Variants in ASB3 observed in about 807,000 individuals in gnomAD.
The protein encoded by ASB3 is ankyrin repeat and SOCS box protein 3.
A neutral mutation model predicts 54.5 loss-of-function variants in ASB3; 41 were observed. The ratio of observed to expected loss-of-function variants is 0.75; its 90% confidence interval spans 0.59 to 0.98. The LOEUF (loss-of-function observed/expected upper bound fraction) is 0.98. Among genes scored for constraint, ASB3 ranks in the 50% least tolerant of loss-of-function variants. The probability of loss-of-function intolerance (pLI) is 0.00; values close to 1 mark genes in which losing one functional copy is unlikely to be tolerated. For synonymous variants in ASB3, 266 were observed against 221.2 expected (o/e 1.20, Z -1.80); for missense variants, 733 against 620.0 (o/e 1.18, Z -1.94).
intron 9 of ASB3, among the ~76,000 whole-genome samples, chr2:53,690,128 CG>C (rs1668831427): frequency 6.6e-6 from 1 of 151,628 alleles, no homozygotes. Context: ...CCCAGCTACT[CG>C]GGAGGCTGAG....
chr2:53,781,883 A>C (rs1253155673), intron 1 of ASB3, among the ~76,000 whole-genome samples: 1 of 152,228 alleles, frequency 6.6e-6, no homozygotes, highest in African/African-American at 2.4e-5. Context: ...TCCTACAGCC[A>C]TAATTTTCTT....
chr2:53,723,185 A>C (rs2103877262), intron 5 of ASB3, among the ~76,000 whole-genome samples: 1 of 152,332 alleles, frequency 6.6e-6, no homozygotes. Context: ...CTGAAAAAAA[A>C]TCATAGATGA....
rs545674948 is a variant in ASB3, at chr2:53,755,980, C to CG, written c.197-5040_197-5039insC. The stretch of plus-strand genomic sequence containing the variant: ...CCAACCTGGACAAAATAGTAAGACC[C>CG]CCCCCCCACCTCTACAAAATATAGA... On this transcript the variant is annotated intron_variant, in intron 2 of 9. Transcript: ENST00000263634. Among the ~76,000 whole-genome samples the CG allele has an allele frequency of 9.9e-5, 15 of 150,812 alleles. No individual in the cohort carries two copies. The South Asian group carries it at 2.9e-3, about 30-fold the overall frequency.
At chr2:53,735,266 T>A (rs547871235) in intron 3 of ASB3, among the ~76,000 whole-genome samples, 9 of 152,272 alleles carry the variant, frequency 5.9e-5, no homozygotes, top group African/African-American at 2.2e-4. Context: ...GAAACGTTAC[T>A]GAGCAAATTC....
chr2:53,750,336 T>A (rs1672449408), intron 3 of ASB3, among the ~76,000 whole-genome samples: 1 of 152,122 alleles, frequency 6.6e-6, no homozygotes, highest in Non-Finnish European at 1.5e-5. Flanking sequence ...AGGTCTGAAT[T>A]AAAAAACAGA....
At chr2:53,764,626 G>A (rs1242640258) in intron 2 of ASB3, among the ~76,000 whole-genome samples, 1 of 152,176 alleles carries the variant, frequency 6.6e-6, no homozygotes, top group African/African-American at 2.4e-5. Flanking sequence ...TAGTGTGCTG[G>A]TTAACATTTA....
At chr2:53,756,932 A>C (rs62137611) in intron 2 of ASB3, 13,490 of 154,496 alleles carry the variant, frequency 0.087, 672 homozygotes, top group East Asian at 0.16. Flanking sequence ...GGTTCATCCT[A>C]ATCGAGCTGA....
chr2:53,727,131 C>A (rs141544046), intron 5 of ASB3, among the ~76,000 whole-genome samples: 1 of 152,166 alleles, frequency 6.6e-6, no homozygotes, highest in Admixed American at 6.5e-5. Flanking sequence ...TTTGACAAGG[C>A]ACTTAAACAT....
rs375497297 is a variant in ASB3 at position 53,705,767 on chromosome 2, T to C, written c.981-5239A>G. Among the ~76,000 whole-genome samples the C allele has an allele frequency of 1.8e-4, 27 of 152,354 alleles. No individual in the cohort carries two copies. In the East Asian group the frequency reaches 2.9e-3, roughly 16 times the overall value. Reference sequence around the variant, plus strand: ...GCTCTTGTTTTTTTCTTCCATCTTTTTTCTCTTTTGTACTTCTGTGTGGAT... The same window carrying C: ...GCTCTTGTTTTTTTCTTCCATCTTTCTTCTCTTTTGTACTTCTGTGTGGAT... On this transcript the variant is annotated intron_variant, in intron 7 of 9. Coordinates refer to ENST00000263634, the MANE Select transcript of ASB3 (RefSeq NM_016115.5).
intron 7 of ASB3, among the ~76,000 whole-genome samples, chr2:53,705,423 C>T (rs1399157107): frequency 6.6e-6 from 1 of 152,310 alleles, no homozygotes; most frequent in African/African-American, 2.4e-5. Flanking sequence ...TTTGTTAACT[C>T]ATGTCTGTGA....
chr2:53,710,997 G>A (rs916256758), intron 7 of ASB3, among the ~76,000 whole-genome samples: 5 of 151,988 alleles, frequency 3.3e-5, no homozygotes, highest in Non-Finnish European at 7.4e-5. Context: ...AGGCATGGTG[G>A]CGCACAACCG....
chr2:53,708,902 C>T (rs1669939368), intron 7 of ASB3, among the ~76,000 whole-genome samples: 1 of 152,042 alleles, frequency 6.6e-6, no homozygotes, highest in African/African-American at 2.4e-5. Context: ...AAAGACAGGA[C>T]CTAATGTTGG....
chr2:53,716,491 A>G, intron 6 of ASB3, 75 bp downstream of exon 6: 2 of 1,524,702 alleles, frequency 1.3e-6, no homozygotes, highest in Non-Finnish European at 1.8e-6. Context: ...CTAGAGGTGA[A>G]GGGTCTAGCC....
intron 1 of ASB3, among the ~76,000 whole-genome samples, chr2:53,785,274 TC>T (rs956910242): frequency 6.6e-6 from 1 of 152,208 alleles, no homozygotes; most frequent in Non-Finnish European, 1.5e-5. Flanking sequence ...TTATTTAAGT[TC>T]CCCTCTTACT....
intron 3 of ASB3, among the ~76,000 whole-genome samples, chr2:53,749,466 T>C (rs1305726646): frequency 1.3e-5 from 2 of 152,026 alleles, no homozygotes; most frequent in African/African-American, 4.8e-5. Flanking sequence ...CCAAGAGAAA[T>C]AAAAACTTAT....
chr2:53,765,283 C>T (rs1221418828), intron 2 of ASB3, 94 bp downstream of exon 2: 11 of 1,509,582 alleles, frequency 7.3e-6, no homozygotes. Flanking sequence ...GAAAGGGAAA[C>T]AAATACTACT....
intron 9 of ASB3, among the ~76,000 whole-genome samples, chr2:53,688,222 C>T (rs771128655): frequency 3.9e-5 from 6 of 152,328 alleles, no homozygotes; most frequent in Non-Finnish European, 8.8e-5. Context: ...AACAAATAAA[C>T]CCGAAAAACC....
intron 9 of ASB3, among the ~76,000 whole-genome samples, chr2:53,675,103 T>C (rs973010710): frequency 6.6e-6 from 1 of 152,156 alleles, no homozygotes; most frequent in Non-Finnish European, 1.5e-5. Context: ...ATCTACAAAA[T>C]GGGCATAATG....
intron 2 of ASB3, among the ~76,000 whole-genome samples, chr2:53,761,007 C>A (rs1026697252): frequency 2.6e-5 from 4 of 152,162 alleles, no homozygotes; most frequent in South Asian, 2.1e-4. Flanking sequence ...ACTGCACGAC[C>A]CCTACTATGC....
Sources: allele counts gnomAD v4.1 joint callset (sites outside exome capture counted in the v4.1 genomes callset), GRCh38; gene constraint gnomAD v4.1.1; transcripts MANE v1.5; gene names NCBI Gene and HGNC (gene_info 2026-07-23, HGNC 2026-07-21).